MBNL1: variants seen among roughly 807,000 people sequenced by gnomAD.
The protein encoded by MBNL1 is muscleblind like splicing regulator 1.
In MBNL1, 8 loss-of-function variants were observed where a neutral mutation model predicts 42.2. The ratio of observed to expected loss-of-function variants is 0.19; its 90% CI spans 0.11 to 0.34. MBNL1 has a LOEUF of 0.34. Ranked by LOEUF, MBNL1 falls within the 10% of genes least tolerant of loss-of-function variation. The pLI is 1.00. For synonymous variants in MBNL1, 169 were observed against 173.9 expected (o/e 0.97, Z 0.22); for missense variants, 309 against 495.3 (o/e 0.62, Z 3.57).
At chr3:152,300,970 G>T in intron 2 of MBNL1, 1 of 961,302 alleles carries the variant, frequency 1.0e-6, no homozygotes, top group Non-Finnish European at 1.2e-6. Context: ...AAACTTTGTT[G>T]CATGTGAGTT....
chr3:152,450,563 T>TA (rs1252670086), intron 6 of MBNL1, among the ~76,000 whole-genome samples: 2 of 152,200 alleles, frequency 1.3e-5, no homozygotes, highest in Admixed American at 6.5e-5. Flanking sequence ...AGGCTCAGTC[T>TA]AAAGAGTATA....
At chr3:152,338,706 A>G in intron 2 of MBNL1, 1 of 984,926 alleles carries the variant, frequency 1.0e-6, no homozygotes, top group Non-Finnish European at 1.2e-6. Flanking sequence ...AAGCCGTTCT[A>G]GAAGCTAAAA....
rs184754915 is a variant in MBNL1, at chr3:152,312,598, T to A, written c.174+12231T>A. Reference sequence around the variant, plus strand: ...CAGAGTTTAGTCTAAGTTATCTTTCTTCTTATGGGAGGAACTTTGTCTTAG... The same window carrying A: ...CAGAGTTTAGTCTAAGTTATCTTTCATCTTATGGGAGGAACTTTGTCTTAG... On this transcript the variant is annotated intron_variant, in intron 2 of 9. Transcript: ENST00000324210. Among the ~76,000 whole-genome samples, 4 of 152,344 alleles carry A rather than the reference T, an allele frequency of 2.6e-5. No homozygotes were observed. The East Asian group carries it at 7.7e-4, about 29-fold the overall frequency.
rs1435067813 is a variant in MBNL1, at chr3:152,331,907, G to A, written c.174+31540G>A. ...GGGTTTCATTATGTTGGCCAGGCTGGTCTTGAACTCTTGACCTCAAGTGAT... is the reference window on the plus strand; with the variant it reads ...GGGTTTCATTATGTTGGCCAGGCTGATCTTGAACTCTTGACCTCAAGTGAT... On this transcript the variant is annotated intron_variant, in intron 2 of 9. Coordinates refer to ENST00000324210, the MANE Select transcript of MBNL1 (RefSeq NM_021038.5). Among the ~76,000 whole-genome samples the A allele has an allele frequency of 2.0e-5, 3 of 152,018 alleles. No individual in the cohort carries two copies. The East Asian group carries it at 5.8e-4, about 29-fold the overall frequency.
chr3:152,314,579 T>C (rs1251644870), intron 2 of MBNL1, among the ~76,000 whole-genome samples: 1 of 152,164 alleles, frequency 6.6e-6, no homozygotes, highest in Non-Finnish European at 1.5e-5. Context: ...TTCTCCTTGT[T>C]GGTCAGGCTG....
intron 2 of MBNL1, among the ~76,000 whole-genome samples, chr3:152,326,727 T>C (rs1452997109): frequency 1.3e-5 from 2 of 151,902 alleles, no homozygotes; most frequent in Non-Finnish European, 2.9e-5. Context: ...AGCTTACACA[T>C]ATAATCAAGG....
At chr3:152,359,035 C>G (rs988343455) in intron 2 of MBNL1, among the ~76,000 whole-genome samples, 10 of 152,174 alleles carry the variant, frequency 6.6e-5, no homozygotes, top group Non-Finnish European at 7.3e-5. Context: ...AGATTTACTG[C>G]TTATGAACAA....
intron 2 of MBNL1, among the ~76,000 whole-genome samples, chr3:152,376,396 T>C (rs1030025124): frequency 1.3e-5 from 2 of 152,198 alleles, no homozygotes; most frequent in Non-Finnish European, 2.9e-5. Context: ...TTTTAATCTT[T>C]TGTCTAATAC....
intron 2 of MBNL1, among the ~76,000 whole-genome samples, chr3:152,260,358 G>T (rs944392564): frequency 2.0e-5 from 3 of 152,166 alleles, no homozygotes; most frequent in African/African-American, 7.2e-5. Context: ...CAACTGGACT[G>T]ACGGCACATT....
At chr3:152,267,118 A>T (rs2037396281), upstream of MBNL1, 1 of 152,222 alleles carries the variant, frequency 6.6e-6, no homozygotes, top group Non-Finnish European at 1.5e-5. Context: ...GGGTCTTTTA[A>T]TGTCACCCAG....
chr3:152,441,491 C>T (rs1473641291), intron 4 of MBNL1, among the ~76,000 whole-genome samples: 2 of 152,106 alleles, frequency 1.3e-5, no homozygotes, highest in Non-Finnish European at 2.9e-5. Flanking sequence ...ATTTTTGACT[C>T]CAAACCCTAT....
chr3:152,367,155 C>A (rs1364735330), intron 2 of MBNL1, among the ~76,000 whole-genome samples: 3 of 152,048 alleles, frequency 2.0e-5, no homozygotes, highest in African/African-American at 7.3e-5. Flanking sequence ...TTAAGTATTT[C>A]TCCTAATGCT....
chr3:152,322,973 G>A (rs1041619193), intron 2 of MBNL1, among the ~76,000 whole-genome samples: 3 of 151,990 alleles, frequency 2.0e-5, no homozygotes, highest in African/African-American at 4.8e-5. Flanking sequence ...ATAGACTGAC[G>A]GTTTGTGGGA....
intron 6 of MBNL1, among the ~76,000 whole-genome samples, chr3:152,454,821 G>A (rs1730433049): frequency 6.6e-6 from 1 of 152,160 alleles, no homozygotes; most frequent in Admixed American, 6.5e-5. Context: ...ATACTGTGAA[G>A]TAAACCAATT....
chr3:152,288,236 A>G (rs1048235872), intron 1 of MBNL1, among the ~76,000 whole-genome samples: 1 of 152,316 alleles, frequency 6.6e-6, no homozygotes, highest in Admixed American at 6.5e-5. Flanking sequence ...GTGAGGGCGG[A>G]ATGTTTTTAT....
rs753471201 is a variant in MBNL1, at chr3:152,390,645, A to ACACACACACACACT, written c.175-24295_175-24294insACACACACACACTC. ...CACACACACACACACACACACACAC[A>ACACACACACACACT]CTCTGATATAAGTGGGTTGTAGTCC... On this transcript the variant is annotated intron_variant, in intron 2 of 9. Coordinates refer to ENST00000324210, the MANE Select transcript of MBNL1 (RefSeq NM_021038.5). Among the ~76,000 whole-genome samples, 43 of 150,304 alleles carry ACACACACACACACT rather than the reference A, an allele frequency of 2.9e-4. 1 individual carries two copies. Among genetic ancestry groups the ACACACACACACACT allele is most frequent in the African/African-American group, 1.0e-3 (42 of 40,894 alleles).
intron 2 of MBNL1, among the ~76,000 whole-genome samples, chr3:152,375,050 G>A (rs1348159908): frequency 6.6e-6 from 1 of 152,040 alleles, no homozygotes; most frequent in African/African-American, 2.4e-5. Context: ...ATGTTGTCTA[G>A]GCTGGTTTCA....
chr3:152,296,876 G>T (rs2058738703), intron 1 of MBNL1, among the ~76,000 whole-genome samples: 1 of 152,138 alleles, frequency 6.6e-6, no homozygotes. Flanking sequence ...GCTAAGCCAT[G>T]GGGTTACTGA....
At chr3:152,276,561 T>TTG (rs2045330155) in intron 1 of MBNL1, among the ~76,000 whole-genome samples, 1 of 152,172 alleles carries the variant, frequency 6.6e-6, no homozygotes, top group Non-Finnish European at 1.5e-5. Flanking sequence ...TTTAAAAGAC[T>TTG]TGTACTTTCT....
Sources: allele counts gnomAD v4.1 joint callset (sites outside exome capture counted in the v4.1 genomes callset), GRCh38; gene constraint gnomAD v4.1.1; transcripts MANE v1.5; gene names NCBI Gene and HGNC (gene_info 2026-07-23, HGNC 2026-07-21).